The following EPHA6 variants were observed in gnomAD, a reference collection of about 807,000 sequenced individuals.
The protein encoded by EPHA6 is EPH receptor A6, also known as ephrin type-A receptor 6.
Under a neutral mutation model 112.0 loss-of-function variants are expected in EPHA6, and 50 were observed. That is an observed-to-expected ratio of 0.45 (90% CI 0.36 to 0.56). EPHA6 has a LOEUF of 0.56. Among genes scored for constraint, EPHA6 ranks in the 20% least tolerant of loss-of-function variants. The pLI is 0.00. For missense variants in EPHA6, 1,280 were observed against 1,417.4 expected (o/e 0.90, Z 1.56); for synonymous variants, 529 against 490.7 (o/e 1.08, Z -1.03).
rs570991891 is a variant in EPHA6 at position 97,005,114 on chromosome 3, A to G, written c.1114+17121A>G. Reference sequence around the variant, plus strand: ...TATGCCAGATCTTCTTTGATTCCATATGAAATTTAAAATAGCTTTTTTTTC... The same window carrying G: ...TATGCCAGATCTTCTTTGATTCCATGTGAAATTTAAAATAGCTTTTTTTTC... On this transcript the variant is annotated intron_variant, in intron 3 of 17. Coordinates refer to ENST00000389672, the MANE Select transcript of EPHA6 (RefSeq NM_001080448.3). Among the ~76,000 whole-genome samples the G allele has an allele frequency of 1.1e-4, 17 of 152,296 alleles. No homozygotes were observed. The South Asian group carries it at 3.5e-3, about 32-fold the overall frequency.
At chr3:97,072,197 G>T (rs780243632) in intron 3 of EPHA6, among the ~76,000 whole-genome samples, 1 of 152,064 alleles carries the variant, frequency 6.6e-6, no homozygotes, top group Non-Finnish European at 1.5e-5. Flanking sequence ...ATGGGATAGC[G>T]TTCTATCCAT....
At chr3:96,979,304 G>C (rs1006763169) in intron 2 of EPHA6, among the ~76,000 whole-genome samples, 1 of 150,284 alleles carries the variant, frequency 6.7e-6, no homozygotes, top group Non-Finnish European at 1.5e-5. Flanking sequence ...TGCGGTGTTT[G>C]GTTTTTTGTC....
At chr3:97,376,159 A>G (rs1246746421) in intron 5 of EPHA6, among the ~76,000 whole-genome samples, 1 of 152,182 alleles carries the variant, frequency 6.6e-6, no homozygotes, top group African/African-American at 2.4e-5. Flanking sequence ...ACAGTTTATC[A>G]TATGTAAGTT....
chr3:97,341,173 C>T (rs2083284686), intron 5 of EPHA6, among the ~76,000 whole-genome samples: 1 of 152,070 alleles, frequency 6.6e-6, no homozygotes, highest in Admixed American at 6.6e-5. Context: ...GGAGAAAATG[C>T]TTGTGTGGAG....
At chr3:97,457,582 T>C (rs2090729489) in intron 7 of EPHA6, among the ~76,000 whole-genome samples, 1 of 152,150 alleles carries the variant, frequency 6.6e-6, no homozygotes, top group South Asian at 2.1e-4. Flanking sequence ...TTGAAAGAAT[T>C]TAATTTGCAT....
rs2036082501 is a variant in EPHA6, at chr3:97,758,665, G to A, written c.*9964G>A. 6.6e-6 allele frequency among the ~76,000 whole-genome samples: 1 copy of A among 151,970 alleles called. No individual in the cohort carries two copies. Among genetic ancestry groups the A allele is most frequent in the South Asian group, 2.1e-4 (1 of 4,830 alleles). On this transcript the variant is annotated 3_prime_UTR_variant, in exon 18 of 18. Coordinates refer to ENST00000389672, the MANE Select transcript of EPHA6 (RefSeq NM_001080448.3). ...TATAATTAAAAATGTTACATAGCAT[G>A]ACTGTGGCTCCTTTAAGCGGTAGAG...
chr3:97,687,445 G>T (rs553557818), intron 14 of EPHA6, among the ~76,000 whole-genome samples: 58 of 152,216 alleles, frequency 3.8e-4, no homozygotes, highest in Non-Finnish European at 6.9e-4. Context: ...TGGAAGCAAG[G>T]TGTTTTTTTT....
intron 16 of EPHA6, chr3:97,745,296 G>A (rs2035664111): frequency 2.4e-6 from 1 of 420,752 alleles, no homozygotes. Context: ...AACAATTCAA[G>A]TATTTGTTGG....
At chr3:97,309,175 AT>A (rs369732809) in intron 5 of EPHA6, among the ~76,000 whole-genome samples, 3,260 of 151,752 alleles carry the variant, frequency 0.021, 88 homozygotes, top group African/African-American at 0.067. Context: ...TTGTAAAACA[AT>A]TTTTAATATT....
Position 97,261,175 on chromosome 3 carries a change from G to A in EPHA6, c.1606+16888G>A, listed in dbSNP as rs368606331. 3.3e-5 allele frequency among the ~76,000 whole-genome samples: 5 copies of A among 152,300 alleles called. No homozygotes were observed. In the East Asian group the frequency reaches 7.7e-4, roughly 23 times the overall value. ...TTCAGGTTAAAAACAAAGCAGGGCT[G>A]GGGGTGGGCAGCATTTATTATATGG... On this transcript the variant is annotated intron_variant, in intron 5 of 17. Coordinates refer to ENST00000389672, the MANE Select transcript of EPHA6 (RefSeq NM_001080448.3).
chr3:96,946,222 A>T (rs1176138815), intron 2 of EPHA6, among the ~76,000 whole-genome samples: 1 of 151,878 alleles, frequency 6.6e-6, no homozygotes, highest in Non-Finnish European at 1.5e-5. Context: ...TGTGCACAAC[A>T]TGCAGGTTTG....
At chr3:97,168,878 C>T (rs1360601355) in intron 3 of EPHA6, among the ~76,000 whole-genome samples, 1 of 151,914 alleles carries the variant, frequency 6.6e-6, no homozygotes, top group African/African-American at 2.4e-5. Flanking sequence ...GAAGCAACTT[C>T]GGAAGTAAGT....
intron 12 of EPHA6, chr3:97,606,233 G>A (rs138848092): frequency 6.6e-6 from 1 of 151,436 alleles, no homozygotes; most frequent in African/African-American, 2.4e-5. Flanking sequence ...GAACTCAGAA[G>A]AGTACTTGCT....
At chr3:97,324,465 C>CTTTCTTTCTT (rs1553746392) in intron 5 of EPHA6, among the ~76,000 whole-genome samples, 39 of 133,924 alleles carry the variant, frequency 2.9e-4, no homozygotes, top group Non-Finnish European at 5.7e-4. Context: ...TTCTTTCTTT[C>CTTTCTTTCTT]TTTCTTTTTC....
At position 96,948,264 on chromosome 3, in the gene EPHA6, G is replaced by C. The variant is rs573790466; in HGVS notation, c.451-39066G>C. On this transcript the variant is annotated intron_variant, in intron 2 of 17. Transcript: ENST00000389672. ...TTTCATATATACTTTATTTGCTTCT[G>C]TATGTTCTATGTGTCATTGAGGAAA... 9.2e-5 allele frequency among the ~76,000 whole-genome samples: 14 copies of C among 152,202 alleles called. No individual in the cohort carries two copies. The South Asian group carries it at 2.5e-3, about 27-fold the overall frequency.
intron 14 of EPHA6, among the ~76,000 whole-genome samples, chr3:97,645,671 A>T (rs1560226132): frequency 6.6e-6 from 1 of 152,198 alleles, no homozygotes; most frequent in African/African-American, 2.4e-5. Context: ...ATAATAAAAA[A>T]AAAAGAAAAG....
At chr3:96,874,925 C>T (rs2036856408) in intron 2 of EPHA6, among the ~76,000 whole-genome samples, 1 of 151,886 alleles carries the variant, frequency 6.6e-6, no homozygotes, top group Non-Finnish European at 1.5e-5. Context: ...GAAAAAAATC[C>T]AATAACTAAA....
intron 14 of EPHA6, among the ~76,000 whole-genome samples, chr3:97,668,240 A>C (rs757283690): frequency 6.6e-6 from 1 of 152,218 alleles, no homozygotes; most frequent in Non-Finnish European, 1.5e-5. Context: ...GTATTAAATG[A>C]ATATTAACAA....
intron 3 of EPHA6, among the ~76,000 whole-genome samples, chr3:96,990,797 C>T (rs994950238): frequency 6.6e-6 from 1 of 151,802 alleles, no homozygotes; most frequent in Non-Finnish European, 1.5e-5. Context: ...CTTTTATTGC[C>T]ATCTATTCAT....
Sources: gnomAD v4.1 joint callset for allele counts (sites outside exome capture counted in the v4.1 genomes callset) on GRCh38, gnomAD v4.1.1 for gene constraint, MANE v1.5 for transcripts, NCBI Gene and HGNC (gene_info 2026-07-23, HGNC 2026-07-21) for gene names.